Variants in ZNF708 observed in about 807,000 individuals in gnomAD.
The protein encoded by ZNF708 is zinc finger protein 708.
ZNF708 carries 44 observed loss-of-function variants against 47.0 expected under a neutral mutation model. The ratio of observed to expected loss-of-function variants is 0.94; its 90% CI spans 0.74 to 1.20. The LOEUF is 1.20. Among genes scored for constraint, ZNF708 ranks in the 50% most tolerant of loss-of-function variants. The pLI is 0.00. For missense variants in ZNF708, 557 were observed against 656.0 expected (o/e 0.85, Z 1.65); for synonymous variants, 184 against 218.5 (o/e 0.84, Z 1.39).
intron 2 of ZNF708, among the ~76,000 whole-genome samples, chr19:21,310,244 A>C (rs188116135): frequency 6.6e-6 from 1 of 151,998 alleles, no homozygotes; most frequent in African/African-American, 2.4e-5. Flanking sequence ...CAGGAGTTCG[A>C]GATCAGCCTG....
At chr19:21,321,513 C>T (rs111280198) in intron 1 of ZNF708, among the ~76,000 whole-genome samples, 21,270 of 151,018 alleles carry the variant, frequency 0.14, 1,964 homozygotes, top group Non-Finnish European at 0.21. Flanking sequence ...ACCTGGGAGG[C>T]GGAAGTTGCA....
chr19:21,296,237 G>C (rs1055986492), intron 3 of ZNF708, among the ~76,000 whole-genome samples: 3 of 151,604 alleles, frequency 2.0e-5, no homozygotes, highest in African/African-American at 7.3e-5. Flanking sequence ...ACAGTGGCTC[G>C]TGCCTGTAAT....
intron 3 of ZNF708, among the ~76,000 whole-genome samples, chr19:21,299,354 T>C (rs1436824808): frequency 6.6e-6 from 1 of 151,344 alleles, no homozygotes; most frequent in African/African-American, 2.4e-5. Flanking sequence ...CTCTGTCTCA[T>C]ACACACACAC....
chr19:21,329,001 C>A (rs1361250006), intron 1 of ZNF708, among the ~76,000 whole-genome samples: 1 of 152,182 alleles, frequency 6.6e-6, no homozygotes, highest in Non-Finnish European at 1.5e-5. Flanking sequence ...ACAGTCACTG[C>A]GCAGGGAAGA....
In ZNF708 at chr19:21,294,312, A is replaced by C. The variant is rs1185022586; in HGVS notation, c.654T>G (p.His218Gln). 1.2e-6 allele frequency: 2 copies of C among 1,613,174 alleles called. No homozygotes were observed. Among genetic ancestry groups the C allele is most frequent in the Non-Finnish European group, 1.7e-6 (2 of 1,179,786 alleles). The change falls in exon 4 of 4, where the codon CAT (histidine) becomes CAG (glutamine). Residue 218 changes from histidine to glutamine, a missense_variant. By Grantham distance (24) the His-to-Gln change is conservative (BLOSUM62 0). Transcript: ENST00000356929. ...CACATTTGTAGGGTTTCTCTCCAGT[A>C]TGAATTATCTTATGATTCGTAAGGT... The part of the protein sequence containing the change: ...SSNLTNHKII[H>Q]TGEKPYKCEE...
intron 1 of ZNF708, among the ~76,000 whole-genome samples, chr19:21,322,449 G>A (rs1973170082): frequency 2.0e-5 from 3 of 152,070 alleles, no homozygotes; most frequent in East Asian, 1.9e-4. Flanking sequence ...TTACAAGAAC[G>A]CACCACCATG....
intron 1 of ZNF708, among the ~76,000 whole-genome samples, chr19:21,312,826 A>G (rs1412998452): frequency 6.6e-6 from 1 of 152,246 alleles, no homozygotes; most frequent in African/African-American, 2.4e-5. Flanking sequence ...CAACACAAGT[A>G]TTTCTGGTAC....
chr19:21,323,971 G>C (rs1345132603), intron 1 of ZNF708, among the ~76,000 whole-genome samples: 3 of 152,198 alleles, frequency 2.0e-5, no homozygotes, highest in Admixed American at 2.0e-4. Flanking sequence ...CGGGCGCAGT[G>C]GCTCACGCCT....
intron 3 of ZNF708, among the ~76,000 whole-genome samples, chr19:21,296,699 G>C (rs1384295780): frequency 1.3e-5 from 2 of 151,886 alleles, no homozygotes; most frequent in African/African-American, 4.8e-5. Flanking sequence ...ATAACTTTCT[G>C]GGAAAGATAT....
chr19:21,303,882 ATATG>A (rs1261171694), intron 3 of ZNF708, among the ~76,000 whole-genome samples: 5 of 152,050 alleles, frequency 3.3e-5, no homozygotes, highest in Non-Finnish European at 5.9e-5. Context: ...CTCTCTCTAT[ATATG>A]TATGTATGTA....
At position 21,293,648 on chromosome 19, in the gene ZNF708, CT is replaced by C. The variant is rs749240302; in HGVS notation, c.1317del (p.Val440Ter). ...FSIFSILTKHKVIHTEDKPYK... is the reference protein window; with the variant it reads ...FSIFSILTKHXVIHTEDKPYK... Reference sequence around the variant, plus strand: ...TAGGGTTTGTCTTCAGTATGAATTACTTTATGTTTAGTAAGGATTGAGAATA... The same window carrying C: ...TAGGGTTTGTCTTCAGTATGAATTACTTATGTTTAGTAAGGATTGAGAATA... On this transcript the variant is annotated frameshift_variant, in exon 4 of 4. Coordinates refer to ENST00000356929, the MANE Select transcript of ZNF708 (RefSeq NM_021269.3). LOFTEE classifies it high-confidence loss of function. 1.1e-5 allele frequency: 17 copies of C among 1,604,412 alleles called. No individual in the cohort carries two copies. Among genetic ancestry groups the C allele is most frequent in the Non-Finnish European group, 1.4e-5 (17 of 1,176,016 alleles).
At chr19:21,299,663 C>T (rs919699949) in intron 3 of ZNF708, among the ~76,000 whole-genome samples, 1 of 151,086 alleles carries the variant, frequency 6.6e-6, no homozygotes, top group African/African-American at 2.4e-5. Context: ...ATCCCAGCTA[C>T]TCAGAAGGCT....
chr19:21,326,757 C>A lies in ZNF708; in HGVS notation c.3+2453G>T, dbSNP rs181059656. The stretch of plus-strand genomic sequence containing the variant: ...ACCAGCCTGGCCAACATGGAGAAAC[C>A]CCGTTCTCTACAAAAAATACAAAAA... On this transcript the variant is annotated intron_variant, in intron 1 of 3. Transcript: ENST00000356929. Among the ~76,000 whole-genome samples, 22 of 152,050 alleles carry A rather than the reference C, an allele frequency of 1.4e-4. No homozygotes were observed. In the East Asian group the frequency reaches 4.3e-3, roughly 30 times the overall value.
chr19:21,294,622 A>G lies in ZNF708; in HGVS notation c.344T>C (p.Val115Ala), dbSNP rs1202633722. 6.2e-7 allele frequency: 1 copy of G among 1,613,868 alleles called. No individual in the cohort carries two copies. The highest frequency in any genetic ancestry group is 1.3e-5 in the African/African-American group (1 of 74,864). ...KCGYQKGCKSVDEHKLHKGGH... is the reference protein window; with the variant it reads ...KCGYQKGCKSADEHKLHKGGH... ...TCCTTTGTGCAACTTATGCTCATCC[A>G]CACTTTTACAGCCTTTCTGATATCC... Residue 115 changes from valine to alanine, a missense_variant, in exon 4 of 4, where the codon GTG becomes GCG. Coordinates refer to ENST00000356929, the MANE Select transcript of ZNF708 (RefSeq NM_021269.3).
At chr19:21,313,265 G>A (rs1972936842) in intron 1 of ZNF708, among the ~76,000 whole-genome samples, 5 of 149,580 alleles carry the variant, frequency 3.3e-5, no homozygotes, top group African/African-American at 7.4e-5. Flanking sequence ...TCTGGCCTGG[G>A]TGACAGAGCA....
intron 3 of ZNF708, among the ~76,000 whole-genome samples, chr19:21,294,979 A>G (rs767338629): frequency 7.2e-5 from 11 of 152,230 alleles, no homozygotes; most frequent in Non-Finnish European, 1.0e-4. Context: ...GCCACATAGG[A>G]GAAAAAAGAA....
chr19:21,310,496 C>A lies in ZNF708; in HGVS notation c.130+5G>T. 1 of 1,355,282 alleles carries A rather than the reference C, an allele frequency of 7.4e-7. No individual in the cohort carries two copies. Among genetic ancestry groups the A allele is most frequent in the East Asian group, 2.9e-5 (1 of 34,828 alleles). 84.0% of individuals were successfully genotyped at this position (1,355,282 alleles called of 1,614,324 possible). On this transcript the variant is annotated splice_donor_5th_base_variant and intron_variant, in intron 2 of 3. Coordinates refer to ENST00000356929, the MANE Select transcript of ZNF708 (RefSeq NM_021269.3). ...AAAATTAAAAAAAAAAAAACTTATC[C>A]TCACCCAGGAATACCAGGTTTCTAT...
chr19:21,324,201 G>A (rs1973211632), intron 1 of ZNF708, among the ~76,000 whole-genome samples: 1 of 151,798 alleles, frequency 6.6e-6, no homozygotes, highest in Non-Finnish European at 1.5e-5. Flanking sequence ...CTGAGATCGC[G>A]CCACTGCACT....
chr19:21,293,131 T>A lies in ZNF708; in HGVS notation c.*143A>T. 28 of 914,196 alleles carry A rather than the reference T, an allele frequency of 3.1e-5. No homozygotes were observed. Among genetic ancestry groups the A allele is most frequent in the Middle Eastern group, 2.4e-4 (1 of 4,254 alleles). The allele number at this position is 914,196 out of a possible 1,614,324, so 56.6% of individuals were successfully genotyped here. A position where few individuals can be genotyped will look rare whatever the true frequency, so the allele number is the denominator to read the frequency against. ...TCTTTACATTTGTAGGGTTTCTCTC[T>A]AGTATGAATTATCTTTTGTTTCATA... On this transcript the variant is annotated 3_prime_UTR_variant, in exon 4 of 4. Coordinates refer to ENST00000356929, the MANE Select transcript of ZNF708 (RefSeq NM_021269.3).
Sources: gnomAD v4.1 joint callset for allele counts (sites outside exome capture counted in the v4.1 genomes callset) on GRCh38, gnomAD v4.1.1 for gene constraint, MANE v1.5 for transcripts, NCBI Gene and HGNC (gene_info 2026-07-23, HGNC 2026-07-21) for gene names.